The following NRG1 variants were observed in gnomAD, a reference collection of about 807,000 sequenced individuals.
The protein encoded by NRG1 is pro-neuregulin-1, membrane-bound isoform.
NRG1 carries 18 observed loss-of-function variants against 63.8 expected under a neutral mutation model. That is an observed-to-expected ratio of 0.28 (90% CI 0.19 to 0.42). NRG1 has a LOEUF of 0.42. Ranked by LOEUF, NRG1 falls within the 10% of genes least tolerant of loss-of-function variation. NRG1 has a pLI of 1.00. For synonymous variants in NRG1, 302 were observed against 301.3 expected (o/e 1.00, Z -0.02); for missense variants, 762 against 814.7 (o/e 0.94, Z 0.79).
At chr8:32,420,157 T>A (rs1816509230) in intron 1 of NRG1, among the ~76,000 whole-genome samples, 1 of 152,146 alleles carries the variant, frequency 6.6e-6, no homozygotes, top group Non-Finnish European at 1.5e-5. Flanking sequence ...ACAAGGACTT[T>A]CAGTGTGACC....
chr8:32,164,427 T>C (rs1032268678), intron 1 of NRG1, among the ~76,000 whole-genome samples: 7 of 152,316 alleles, frequency 4.6e-5, no homozygotes, highest in African/African-American at 1.7e-4. Flanking sequence ...TGGTTGACTT[T>C]TGCTGCTAGC....
intron 1 of NRG1, among the ~76,000 whole-genome samples, chr8:31,734,976 C>A (rs1814509390): frequency 6.6e-6 from 1 of 152,068 alleles, no homozygotes; most frequent in African/African-American, 2.4e-5. Context: ...CTGGAGAAGT[C>A]CTCCACCTAT....
At chr8:32,626,749 G>A (rs1849364731) in intron 5 of NRG1, among the ~76,000 whole-genome samples, 1 of 152,074 alleles carries the variant, frequency 6.6e-6, no homozygotes, top group Non-Finnish European at 1.5e-5. Flanking sequence ...GGCCAGGTGT[G>A]GTGGCTCATG....
intron 1 of NRG1, among the ~76,000 whole-genome samples, chr8:32,024,464 G>A (rs1023814213): frequency 6.6e-6 from 1 of 152,290 alleles, no homozygotes; most frequent in Admixed American, 6.5e-5. Flanking sequence ...GTTCTAATGT[G>A]CTCTGGCATG....
intron 1 of NRG1, among the ~76,000 whole-genome samples, chr8:32,103,459 A>C (rs1327921340): frequency 6.6e-6 from 1 of 152,164 alleles, no homozygotes; most frequent in Non-Finnish European, 1.5e-5. Context: ...GTTGCTTCCA[A>C]ATATTGGCTA....
intron 1 of NRG1, among the ~76,000 whole-genome samples, chr8:31,926,488 T>A (rs2129619525): frequency 6.6e-6 from 1 of 152,260 alleles, no homozygotes; most frequent in African/African-American, 2.4e-5. Context: ...ACTAGTATGA[T>A]CTAAGCTATT....
chr8:32,257,481 A>G (rs1356689771), intron 1 of NRG1, among the ~76,000 whole-genome samples: 1 of 152,208 alleles, frequency 6.6e-6, no homozygotes, highest in Non-Finnish European at 1.5e-5. Flanking sequence ...GTTCATGTAC[A>G]CAGTTCACAT....
At chr8:32,734,253 G>A (rs375515357) in intron 6 of NRG1, among the ~76,000 whole-genome samples, 11 of 152,202 alleles carry the variant, frequency 7.2e-5, no homozygotes, top group African/African-American at 2.7e-4. Context: ...GCTGATGATA[G>A]TAACTTTTAT....
At chr8:32,406,759 G>A (rs765459653) in intron 1 of NRG1, among the ~76,000 whole-genome samples, 3 of 151,160 alleles carry the variant, frequency 2.0e-5, no homozygotes, top group Non-Finnish European at 4.4e-5. Context: ...GTTTTCTTTA[G>A]TGCTTAGAAG....
intron 1 of NRG1, chr8:31,639,720 G>T: frequency 7.3e-7 from 1 of 1,372,024 alleles, no homozygotes; most frequent in Non-Finnish European, 9.3e-7. Flanking sequence ...TGAGGCGGCG[G>T]CAGCGGTTTT....
intron 1 of NRG1, among the ~76,000 whole-genome samples, chr8:31,795,469 A>G (rs1319250142): frequency 6.6e-6 from 1 of 152,230 alleles, no homozygotes; most frequent in Non-Finnish European, 1.5e-5. Context: ...TTCAGACTTT[A>G]GAGAGCATGT....
chr8:32,054,855 CTTTCTTTCTTTTTTT>C (rs1822593577), intron 1 of NRG1, among the ~76,000 whole-genome samples: 2 of 56,300 alleles, frequency 3.6e-5, no homozygotes, highest in African/African-American at 1.5e-4. Context: ...AAGCAGATTT[CTTTCTTTCTTTTTTT>C]TTTTTTTTTT....
At chr8:32,149,849 A>C (rs1837305264) in intron 1 of NRG1, among the ~76,000 whole-genome samples, 1 of 152,188 alleles carries the variant, frequency 6.6e-6, no homozygotes. Flanking sequence ...TTGGTCATAT[A>C]TTTTGTCCGC....
At chr8:32,469,783 C>G (rs535888316) in intron 1 of NRG1, among the ~76,000 whole-genome samples, 15 of 152,276 alleles carry the variant, frequency 9.9e-5, no homozygotes, top group South Asian at 2.1e-4. Flanking sequence ...GAGGATGATA[C>G]AAGCAAATTA....
chr8:31,720,450 T>G (rs927098077), intron 1 of NRG1, among the ~76,000 whole-genome samples: 9 of 152,162 alleles, frequency 5.9e-5, no homozygotes, highest in Non-Finnish European at 1.2e-4. Context: ...CAGCATCCAT[T>G]AGCTATTCTT....
chr8:32,165,650 G>A (rs1242591759), intron 1 of NRG1, among the ~76,000 whole-genome samples: 1 of 152,138 alleles, frequency 6.6e-6, no homozygotes, highest in African/African-American at 2.4e-5. Flanking sequence ...GGTTTAATGT[G>A]TAATTCTGAA....
rs55906650 is a variant in NRG1, at chr8:32,475,463, C to CAAA, written c.38-120350_38-120348dup. 2.9e-4 allele frequency among the ~76,000 whole-genome samples: 24 copies of CAAA among 81,694 alleles called. No individual in the cohort carries two copies. In the South Asian group the frequency reaches 3.3e-3, roughly 11 times the overall value. 53.6% of individuals were successfully genotyped at this position (81,694 alleles called of 152,430 possible). ...CTGGTGACAGAGAGAGACTCTGTCT[C>CAAA]AAAAAAAAAAAAAAAAAGTGCCTAC... On this transcript the variant is annotated intron_variant, in intron 1 of 10. Coordinates refer to the NRG1 transcript ENST00000519301.
chr8:32,101,492 T>G (rs1830577117), intron 1 of NRG1, among the ~76,000 whole-genome samples: 1 of 151,932 alleles, frequency 6.6e-6, no homozygotes, highest in Non-Finnish European at 1.5e-5. Flanking sequence ...TTTTTTTTTT[T>G]TTTTTTTAGT....
At chr8:32,548,207 G>T, upstream of NRG1, 2 of 983,420 alleles carry the variant, frequency 2.0e-6, no homozygotes, top group Non-Finnish European at 2.4e-6. Context: ...AGAGGGAGGG[G>T]GCGAGGCCAG....
Sources: allele counts gnomAD v4.1 joint callset (sites outside exome capture counted in the v4.1 genomes callset), GRCh38; gene constraint gnomAD v4.1.1; transcripts MANE v1.5; gene names NCBI Gene and HGNC (gene_info 2026-07-23, HGNC 2026-07-21).